SYT14: variants seen among roughly 807,000 people sequenced by gnomAD.
SYT14 encodes synaptotagmin-14.
SYT14 carries 32 observed loss-of-function variants against 74.2 expected under a neutral mutation model. The ratio of observed to expected loss-of-function variants is 0.43; its 90% CI spans 0.33 to 0.58. The LOEUF (loss-of-function observed/expected upper bound fraction) is 0.58. Among genes scored for constraint, SYT14 ranks in the 20% least tolerant of loss-of-function variants. SYT14 has a pLI of 0.05. For synonymous variants in SYT14, 298 were observed against 337.7 expected (o/e 0.88, Z 1.29); for missense variants, 791 against 981.8 (o/e 0.81, Z 2.60).
chr1:210,130,662 A>T (rs11810848), intron 7 of SYT14, among the ~76,000 whole-genome samples: 16,056 of 152,228 alleles, frequency 0.11, 2,684 homozygotes, highest in African/African-American at 0.35. Context: ...AATGAAAATG[A>T]CATTAAAAGA....
At position 210,082,469 on chromosome 1, in the gene SYT14, A is replaced by AT. The variant is rs143853284; in HGVS notation, c.1313-11852dup. Reference sequence around the variant, plus strand: ...ACATTTCGCTTCTGTTGGTGTTGGTATATCACTAGATATAATTTTTCTACT... The same window carrying AT: ...ACATTTCGCTTCTGTTGGTGTTGGTATTATCACTAGATATAATTTTTCTACT... On this transcript the variant is annotated intron_variant, in intron 5 of 9. Transcript: ENST00000637265. 5.5e-3 allele frequency among the ~76,000 whole-genome samples: 842 copies of AT among 152,310 alleles called. 13 individuals are homozygous for AT. Among genetic ancestry groups the AT allele is most frequent in the African/African-American group, 0.02 (816 of 41,560 alleles).
At chr1:209,951,334 A>G (rs1017912660) in intron 1 of SYT14, among the ~76,000 whole-genome samples, 2 of 152,020 alleles carry the variant, frequency 1.3e-5, no homozygotes, top group Admixed American at 6.6e-5. Flanking sequence ...TCTACTCTAC[A>G]TCTGTGAATC....
intron 7 of SYT14, among the ~76,000 whole-genome samples, chr1:210,138,352 A>G (rs1383217143): frequency 6.6e-6 from 1 of 152,120 alleles, no homozygotes; most frequent in Non-Finnish European, 1.5e-5. Context: ...CCCATGATTC[A>G]ATTACCTCGC....
At chr1:210,127,349 G>A (rs568290614) in intron 7 of SYT14, among the ~76,000 whole-genome samples, 9 of 152,278 alleles carry the variant, frequency 5.9e-5, no homozygotes, top group Non-Finnish European at 7.4e-5. Flanking sequence ...GGACTTTGGC[G>A]GGGGAGGTGA....
At chr1:209,979,661 G>T (rs2079444374) in intron 2 of SYT14, among the ~76,000 whole-genome samples, 1 of 152,036 alleles carries the variant, frequency 6.6e-6, no homozygotes, top group South Asian at 2.1e-4. Flanking sequence ...GGGTCCATAT[G>T]TTCTCATCAC....
At chr1:210,042,820 T>C (rs1352816715) in intron 5 of SYT14, among the ~76,000 whole-genome samples, 1 of 152,192 alleles carries the variant, frequency 6.6e-6, no homozygotes, top group East Asian at 1.9e-4. Context: ...TTGCTTAGGA[T>C]TGTCTTGGCT....
intron 2 of SYT14, among the ~76,000 whole-genome samples, chr1:209,999,704 A>T (rs752785390): frequency 5.3e-5 from 8 of 152,202 alleles, no homozygotes; most frequent in Non-Finnish European, 1.2e-4. Context: ...AAAAAAGTGG[A>T]TCTCATAGAG....
intron 1 of SYT14, among the ~76,000 whole-genome samples, chr1:209,941,787 T>G (rs1432544521): frequency 1.3e-5 from 2 of 152,222 alleles, no homozygotes; most frequent in Non-Finnish European, 2.9e-5. Flanking sequence ...CTGAATACAG[T>G]TGTCCCTTGG....
intron 2 of SYT14, among the ~76,000 whole-genome samples, chr1:210,000,052 G>A (rs1264867651): frequency 1.3e-5 from 2 of 152,090 alleles, no homozygotes; most frequent in African/African-American, 4.8e-5. Context: ...TAATAAAAAT[G>A]TTTTTAAAGT....
intron 1 of SYT14, among the ~76,000 whole-genome samples, chr1:209,946,467 G>C (rs549233288): frequency 3.2e-4 from 49 of 152,322 alleles, no homozygotes; most frequent in African/African-American, 1.2e-3. Context: ...GAGTGGTCTG[G>C]ATGGCAGATC....
chr1:210,007,594 T>A (rs868810878), intron 2 of SYT14, among the ~76,000 whole-genome samples: 39 of 152,118 alleles, frequency 2.6e-4, no homozygotes, highest in South Asian at 2.1e-4. Context: ...TTGAGGAAGT[T>A]GAAATTGCTT....
At chr1:210,150,573 T>C (rs1180550702) in intron 7 of SYT14, among the ~76,000 whole-genome samples, 1 of 152,166 alleles carries the variant, frequency 6.6e-6, no homozygotes, top group Admixed American at 6.6e-5. Flanking sequence ...TAGCGGCAGC[T>C]CTAACTTTGC....
intron 5 of SYT14, among the ~76,000 whole-genome samples, chr1:210,077,690 T>A (rs762391162): frequency 6.6e-6 from 1 of 152,242 alleles, no homozygotes; most frequent in Non-Finnish European, 1.5e-5. Context: ...ATTGTACCAT[T>A]GTACGTTTCT....
At chr1:210,111,775 C>T (rs1558196405) in intron 7 of SYT14, among the ~76,000 whole-genome samples, 1 of 151,228 alleles carries the variant, frequency 6.6e-6, no homozygotes, top group African/African-American at 2.5e-5. Flanking sequence ...TATTAAAGGA[C>T]TAAGAATTGG....
chr1:210,127,622 A>G (rs1248088919), intron 7 of SYT14, among the ~76,000 whole-genome samples: 2 of 152,210 alleles, frequency 1.3e-5, no homozygotes, highest in African/African-American at 4.8e-5. Flanking sequence ...CGGTCTTCAA[A>G]TTCATGCTTT....
At chr1:210,113,091 G>T (rs2171988) in intron 7 of SYT14, among the ~76,000 whole-genome samples, 19,063 of 151,226 alleles carry the variant, frequency 0.13, 4,559 homozygotes, top group African/African-American at 0.43. Flanking sequence ...AAACACTAAG[G>T]TCAAGTTGTT....
At chr1:210,130,860 A>G (rs1443963642) in intron 7 of SYT14, among the ~76,000 whole-genome samples, 1 of 152,222 alleles carries the variant, frequency 6.6e-6, no homozygotes, top group Non-Finnish European at 1.5e-5. Context: ...GGTCTCAGAA[A>G]TATACTTCTG....
chr1:210,121,839 A>G (rs1243926166), intron 7 of SYT14, among the ~76,000 whole-genome samples: 1 of 152,074 alleles, frequency 6.6e-6, no homozygotes, highest in East Asian at 1.9e-4. Context: ...GTAATTATTA[A>G]GATGACTGAA....
chr1:210,123,207 A>G (rs2082501706), intron 7 of SYT14, among the ~76,000 whole-genome samples: 1 of 123,468 alleles, frequency 8.1e-6, no homozygotes, highest in Non-Finnish European at 1.7e-5. Flanking sequence ...TGATAGTGTC[A>G]TAGTTTACAA....
Sources: allele counts gnomAD v4.1 joint callset (sites outside exome capture counted in the v4.1 genomes callset), GRCh38; gene constraint gnomAD v4.1.1; transcripts MANE v1.5; gene names NCBI Gene and HGNC (gene_info 2026-07-23, HGNC 2026-07-21).